The following TMEM132B variants were observed in gnomAD, a reference collection of about 807,000 sequenced individuals.
The protein encoded by TMEM132B is transmembrane protein 132B.
A neutral mutation model predicts 90.8 loss-of-function variants in TMEM132B; 18 were observed. The ratio of observed to expected loss-of-function variants is 0.20; its 90% CI spans 0.14 to 0.29. The LOEUF (loss-of-function observed/expected upper bound fraction) is 0.29. TMEM132B is among the 10% of genes least tolerant of loss of function. TMEM132B has a pLI of 1.00. For synonymous variants in TMEM132B, 504 were observed against 523.3 expected (o/e 0.96, Z 0.50); for missense variants, 1,096 against 1,326.8 (o/e 0.83, Z 2.70).
At chr12:125,529,165 G>A (rs1309143201) in intron 4 of TMEM132B, among the ~76,000 whole-genome samples, 2 of 152,034 alleles carry the variant, frequency 1.3e-5, no homozygotes, top group African/African-American at 4.8e-5. Context: ...GCTCACTGCA[G>A]CCTCAGTCTC....
chr12:125,494,053 C>T (rs571757395), intron 3 of TMEM132B, among the ~76,000 whole-genome samples: 1 of 142,316 alleles, frequency 7.0e-6, no homozygotes. Flanking sequence ...TCCTCCCCCT[C>T]CTCCCTGGAA....
At chr12:125,538,010 C>T (rs187440195) in intron 4 of TMEM132B, among the ~76,000 whole-genome samples, 11 of 152,304 alleles carry the variant, frequency 7.2e-5, no homozygotes, top group Admixed American at 6.5e-4. Flanking sequence ...GGCCTGCTTC[C>T]CCCACATGCA....
rs1296913779 is a variant in TMEM132B, at chr12:125,624,915, T to C, written c.1438-19161T>C. On this transcript the variant is annotated intron_variant, in intron 5 of 8. Transcript: ENST00000682704. Reference sequence around the variant, plus strand: ...TTTTGTGTAGAACTCTATGCAGTTCTATGGGTTTTCATGCATGGTCATATA... The same window carrying C: ...TTTTGTGTAGAACTCTATGCAGTTCCATGGGTTTTCATGCATGGTCATATA... Among the ~76,000 whole-genome samples, 6 of 151,864 alleles carry C rather than the reference T, an allele frequency of 4.0e-5. No homozygotes were observed. The East Asian group carries it at 1.2e-3, about 29-fold the overall frequency.
At chr12:125,392,310 G>A (rs1209696650) in intron 2 of TMEM132B, among the ~76,000 whole-genome samples, 1 of 152,186 alleles carries the variant, frequency 6.6e-6, no homozygotes, top group African/African-American at 2.4e-5. Flanking sequence ...GTTAAAAATG[G>A]GTTGGAATAG....
At chr12:125,569,367 T>C (rs112877691) in intron 4 of TMEM132B, among the ~76,000 whole-genome samples, 7,683 of 152,256 alleles carry the variant, frequency 0.05, 262 homozygotes, top group Non-Finnish European at 0.073. Context: ...TCCAGGACTT[T>C]TGACTCTGAG....
chr12:125,607,361 G>T (rs1220879177), intron 5 of TMEM132B, among the ~76,000 whole-genome samples: 1 of 152,142 alleles, frequency 6.6e-6, no homozygotes, highest in Admixed American at 6.5e-5. Context: ...AGCATTTATG[G>T]ACAGAAAATG....
chr12:125,499,002 AG>A (rs1382270366), intron 3 of TMEM132B, among the ~76,000 whole-genome samples: 1 of 152,226 alleles, frequency 6.6e-6, no homozygotes. Flanking sequence ...CTTTTGAGTA[AG>A]TCCCACAACA....
chr12:125,637,501 G>A (rs987094078), intron 5 of TMEM132B, among the ~76,000 whole-genome samples: 2 of 152,174 alleles, frequency 1.3e-5, no homozygotes, highest in Non-Finnish European at 2.9e-5. Context: ...TTTTAGGGAG[G>A]CATGAGACAT....
At chr12:125,276,742 C>T (rs111750439) in intron 1 of TMEM132B, among the ~76,000 whole-genome samples, 2 of 152,170 alleles carry the variant, frequency 1.3e-5, no homozygotes, top group African/African-American at 2.4e-5. Flanking sequence ...ATGGCGGAAG[C>T]GCTGGCGTCT....
intron 1 of TMEM132B, among the ~76,000 whole-genome samples, chr12:125,290,582 A>G (rs539521399): frequency 6.6e-6 from 1 of 152,348 alleles, no homozygotes; most frequent in South Asian, 2.1e-4. Flanking sequence ...TCCTTCCGCA[A>G]TGTGTTCATC....
intron 4 of TMEM132B, among the ~76,000 whole-genome samples, chr12:125,527,889 T>C (rs1883538789): frequency 1.3e-5 from 2 of 152,128 alleles, no homozygotes. Context: ...AGAGAGAAAA[T>C]GGAATGGATG....
At chr12:125,587,193 A>AC (rs1349935457) in intron 5 of TMEM132B, 5 of 110,476 alleles carry the variant, frequency 4.5e-5, no homozygotes, top group Non-Finnish European at 7.7e-5. Context: ...AAAAAAAAAA[A>AC]AACAAGTAGA....
intron 3 of TMEM132B, among the ~76,000 whole-genome samples, chr12:125,516,877 C>A (rs1322197828): frequency 1.3e-5 from 2 of 152,202 alleles, no homozygotes; most frequent in South Asian, 2.1e-4. Flanking sequence ...CAGGACCAAG[C>A]ATCTCTCGTA....
At chr12:125,599,533 T>C (rs1449288143) in intron 5 of TMEM132B, among the ~76,000 whole-genome samples, 1 of 152,088 alleles carries the variant, frequency 6.6e-6, no homozygotes, top group Non-Finnish European at 1.5e-5. Context: ...AGGGTGGGGA[T>C]GGGCTGGTGA....
intron 3 of TMEM132B, among the ~76,000 whole-genome samples, chr12:125,425,926 T>C (rs190528239): frequency 1.3e-5 from 2 of 152,370 alleles, no homozygotes; most frequent in East Asian, 1.9e-4. Context: ...CAGGTTTTTC[T>C]GTAGATGTAC....
intron 1 of TMEM132B, among the ~76,000 whole-genome samples, chr12:125,249,746 T>A (rs1413459557): frequency 6.6e-6 from 1 of 152,212 alleles, no homozygotes; most frequent in African/African-American, 2.4e-5. Flanking sequence ...GGTGACTGAT[T>A]AGATGAAGGG....
chr12:125,561,541 T>A (rs1307788786), intron 4 of TMEM132B, among the ~76,000 whole-genome samples: 2 of 152,156 alleles, frequency 1.3e-5, no homozygotes, highest in Admixed American at 6.5e-5. Context: ...AAAAAAGAAA[T>A]GCATTTTTTA....
chr12:125,202,276 G>A (rs1873079905), intron 1 of TMEM132B, among the ~76,000 whole-genome samples: 1 of 152,232 alleles, frequency 6.6e-6, no homozygotes, highest in African/African-American at 2.4e-5. Flanking sequence ...TTACTGCTGT[G>A]AAATAAATGA....
In TMEM132B at chr12:125,295,500, C is replaced by CTG. The variant is rs149003076; in HGVS notation, c.68-53937_68-53936dup. On this transcript the variant is annotated intron_variant, in intron 1 of 8. Coordinates refer to ENST00000682704, the MANE Select transcript of TMEM132B (RefSeq NM_001366854.1). ...GCCGGCTGTCTCTCCTCCATGAAAC[C>CTG]TGTGTGTGTGTGTGTGAGAGAGAGA... is the stretch of plus-strand genomic sequence containing the variant. Among the ~76,000 whole-genome samples, 1,195 of 143,352 alleles carry CTG rather than the reference C, an allele frequency of 8.3e-3. 20 individuals carry two copies. Among genetic ancestry groups the CTG allele is most frequent in the South Asian group, 0.022 (94 of 4,212 alleles). The allele number at this position is 143,352 out of a possible 152,430, so 94.0% of individuals were successfully genotyped here. A position where few individuals can be genotyped will look rare whatever the true frequency, so the allele number is the denominator to read the frequency against.
Sources: gnomAD v4.1 joint callset for allele counts (sites outside exome capture counted in the v4.1 genomes callset) on GRCh38, gnomAD v4.1.1 for gene constraint, MANE v1.5 for transcripts, NCBI Gene and HGNC (gene_info 2026-07-23, HGNC 2026-07-21) for gene names.